SPATA18: variants seen among roughly 807,000 people sequenced by gnomAD.
The protein encoded by SPATA18 is spermatogenesis associated 18.
A neutral mutation model predicts 68.1 loss-of-function variants in SPATA18; 54 were observed. The observed-to-expected ratio is 0.79, with a 90% CI of 0.64 to 0.99. The LOEUF is 0.99. SPATA18 is among the 50% of genes least tolerant of loss of function. SPATA18 has a pLI of 0.00. For synonymous variants in SPATA18, 242 were observed against 244.8 expected (o/e 0.99, Z 0.11); for missense variants, 724 against 681.1 (o/e 1.06, Z -0.70).
At chr4:52,064,935 A>G (rs1446865269) in intron 4 of SPATA18, among the ~76,000 whole-genome samples, 1 of 152,086 alleles carries the variant, frequency 6.6e-6, no homozygotes, top group African/African-American at 2.4e-5. Context: ...TCCAACATCT[A>G]TTGTTTTTTG....
chr4:52,069,284 G>A (rs1324839829), intron 4 of SPATA18, among the ~76,000 whole-genome samples: 1 of 152,208 alleles, frequency 6.6e-6, no homozygotes, highest in East Asian at 1.9e-4. Flanking sequence ...CAGAGAATTT[G>A]TGCTCAATAA....
At chr4:52,076,256 T>A (rs1316447525) in intron 6 of SPATA18, among the ~76,000 whole-genome samples, 1 of 152,028 alleles carries the variant, frequency 6.6e-6, no homozygotes, top group African/African-American at 2.4e-5. Context: ...GGCAAAAGGG[T>A]CATCTAAGAC....
Position 52,076,778 on chromosome 4 carries a change from G to A in SPATA18, c.759-1G>A. ...CCTGGCTGATTCTCGCTCACCAACA[G>A]GTCCTCCAGGAGCCGGTCTCCCAGC... is the stretch of plus-strand genomic sequence containing the variant. On this transcript the variant is annotated splice_acceptor_variant, in intron 6 of 12. Transcript: ENST00000295213. LOFTEE classifies it high-confidence loss of function. 2 of 1,612,846 alleles carry A rather than the reference G, an allele frequency of 1.2e-6. No individual in the cohort carries two copies. Among genetic ancestry groups the A allele is most frequent in the Middle Eastern group, 1.7e-4 (1 of 6,048 alleles).
chr4:52,082,907 T>C, intron 10 of SPATA18: 1 of 985,430 alleles, frequency 1.0e-6, no homozygotes, highest in Non-Finnish European at 1.2e-6. Context: ...ATTTTCTGTT[T>C]TGGGAAACTG....
Position 52,085,014 on chromosome 4 carries a change from A to G in SPATA18, c.1563+15A>G. 6.3e-7 allele frequency: 1 copy of G among 1,587,238 alleles called. No homozygotes were observed. Among genetic ancestry groups the G allele is most frequent in the South Asian group, 1.2e-5 (1 of 86,336 alleles). On this transcript the variant is annotated intron_variant, in intron 11 of 12. Transcript: ENST00000295213. ...GTTTAAACACGGTACATATCTATCT[A>G]ATCATTTTTACACAAAATTCATCTA...
intron 4 of SPATA18, among the ~76,000 whole-genome samples, chr4:52,064,200 T>TATAC (rs1739131756): frequency 1.3e-5 from 2 of 151,082 alleles, no homozygotes; most frequent in South Asian, 2.1e-4. Context: ...TATATATATA[T>TATAC]ATATTCTCTC....
At chr4:52,088,036 G>C (rs1170522115) in intron 11 of SPATA18, among the ~76,000 whole-genome samples, 2 of 152,134 alleles carry the variant, frequency 1.3e-5, no homozygotes, top group African/African-American at 4.8e-5. Flanking sequence ...AGTAGCAATT[G>C]TGAATGTGAG....
At chr4:52,071,818 G>T in intron 5 of SPATA18, 99 bp from the exon 6 acceptor site, 4 of 1,209,710 alleles carry the variant, frequency 3.3e-6, no homozygotes, top group Non-Finnish European at 3.4e-6. Context: ...AGCCTCTGTT[G>T]TTAAGCATGC....
chr4:52,062,240 A>T lies in SPATA18; in HGVS notation c.330A>T (p.Arg110Ser). The T allele has an allele frequency of 6.3e-7, 1 of 1,598,958 alleles. No homozygotes were observed. Among genetic ancestry groups the T allele is most frequent in the Non-Finnish European group, 8.5e-7 (1 of 1,172,496 alleles). Residue 110 changes from arginine to serine, a missense_variant, in exon 4 of 13, where the codon AGA becomes AGT. Physicochemically the swap from Arg to Ser is moderately radical, Grantham distance 110. Coordinates refer to ENST00000295213, the MANE Select transcript of SPATA18 (RefSeq NM_145263.4). ...PSLQDTFDRE[R>S]HKDPSPRDRD... ...TCCAGGACACGTTTGATAGGGAGAG[A>T]CATAAAGATCCCAGTCCTCGGGATC...
intron 1 of SPATA18, among the ~76,000 whole-genome samples, chr4:52,053,870 C>G (rs1168890904): frequency 6.6e-6 from 1 of 152,196 alleles, no homozygotes; most frequent in African/African-American, 2.4e-5. Context: ...CAAGTCAGAT[C>G]AAGTTACTCT....
chr4:52,068,073 C>T (rs556755742), intron 4 of SPATA18, among the ~76,000 whole-genome samples: 4 of 152,290 alleles, frequency 2.6e-5, no homozygotes, highest in African/African-American at 7.2e-5. Context: ...TATGTGCATC[C>T]GCTTGTATGT....
chr4:52,061,591 G>A (rs1370611937), intron 3 of SPATA18, among the ~76,000 whole-genome samples: 2 of 151,978 alleles, frequency 1.3e-5, no homozygotes, highest in Non-Finnish European at 2.9e-5. Flanking sequence ...ATCCCTGCTT[G>A]GAGATCACTG....
In SPATA18 at chr4:52,069,832, C is replaced by T. The variant is rs75140760; in HGVS notation, c.434C>T (p.Thr145Ile). The change falls in exon 5 of 13, where the codon ACT (threonine) becomes ATT (isoleucine). Residue 145 changes from threonine to isoleucine, a missense_variant. Coordinates refer to ENST00000295213, the MANE Select transcript of SPATA18 (RefSeq NM_145263.4). ...CNQVQDDLVE[T>I]EKNLEESKNR... ...GATTTATCTTACAGTCTGGTTGAAACTGAAAAGAATCTTGAAGAAAGCAAG... is the reference window on the plus strand; with the variant it reads ...GATTTATCTTACAGTCTGGTTGAAATTGAAAAGAATCTTGAAGAAAGCAAG... 4,303 of 1,575,092 alleles carry T rather than the reference C, an allele frequency of 2.7e-3. 17 individuals carry two copies. Among genetic ancestry groups the T allele is most frequent in the Middle Eastern group, 9.4e-3 (53 of 5,622 alleles).
chr4:52,077,275 C>G (rs1258861153), intron 7 of SPATA18, among the ~76,000 whole-genome samples: 3 of 125,082 alleles, frequency 2.4e-5, no homozygotes, highest in Non-Finnish European at 5.0e-5. Flanking sequence ...TCCCTCCTTT[C>G]TTTCCTTCCT....
At chr4:52,079,954 T>C in intron 9 of SPATA18, 35 bp downstream of exon 9, 4 of 1,588,692 alleles carry the variant, frequency 2.5e-6, no homozygotes, top group Non-Finnish European at 3.4e-6. Context: ...AAGGGATTTA[T>C]CATGAATACA....
chr4:52,056,204 C>G (rs1302961319), intron 1 of SPATA18, among the ~76,000 whole-genome samples: 1 of 152,168 alleles, frequency 6.6e-6, no homozygotes, highest in Non-Finnish European at 1.5e-5. Context: ...CTTCTGCACT[C>G]TCCCACTTGC....
chr4:52,076,745 A>G (rs1270722801), intron 6 of SPATA18, 34 bp from the exon 7 acceptor site: 1 of 1,603,750 alleles, frequency 6.2e-7, no homozygotes, highest in East Asian at 2.2e-5. Context: ...AGCAAATCAA[A>G]GGATTTCCCT....
chr4:52,079,026 T>A, intron 8 of SPATA18, 133 bp downstream of exon 8: 1 of 996,612 alleles, frequency 1.0e-6, no homozygotes, highest in Non-Finnish European at 1.4e-6. Context: ...GGAACAGCAT[T>A]CAATTTACTT....
rs1379485363 is a variant in SPATA18, at chr4:52,076,937, T to C, written c.917T>C (p.Phe306Ser). ...CGCAAGGCTGCCCTCTTGTCCCGGT[T>C]CAGCGATTCCTATTCCCAGGCCCGC... ...VARKAALLSR[F>S]SDSYSQARLD... Residue 306 changes from phenylalanine (F) to serine (S), a missense_variant, in exon 7 of 13, where the codon TTC (phenylalanine) becomes TCC (serine). Transcript: ENST00000295213. The C allele has an allele frequency of 6.2e-7, 1 of 1,614,074 alleles. No homozygotes were observed. The highest frequency in any genetic ancestry group is 8.5e-7 in the Non-Finnish European group (1 of 1,180,046).
Sources: gnomAD v4.1 joint callset for allele counts (sites outside exome capture counted in the v4.1 genomes callset) on GRCh38, gnomAD v4.1.1 for gene constraint, MANE v1.5 for transcripts, NCBI Gene and HGNC (gene_info 2026-07-23, HGNC 2026-07-21) for gene names.